The following PAK3 variants were observed in gnomAD, a reference collection of about 807,000 sequenced individuals.
PAK3 encodes the protein p21 (RAC1) activated kinase 3.
PAK3 carries 4 observed loss-of-function variants against 41.0 expected under a neutral mutation model. That is an observed-to-expected ratio of 0.10 (90% CI 0.05 to 0.22). The LOEUF (loss-of-function observed/expected upper bound fraction) is 0.22, where lower values mean the gene tolerates loss of function less well. Among genes scored for constraint, PAK3 ranks in the 10% least tolerant of loss-of-function variants. The pLI is 1.00. For missense variants in PAK3, 205 were observed against 409.9 expected (o/e 0.50, Z 4.32); for synonymous variants, 146 against 139.6 (o/e 1.05, Z -0.32).
intron 6 of PAK3, 140 bp downstream of exon 6, chrX:111,142,336 C>A: frequency 1.9e-6 from 1 of 531,849 alleles, no homozygotes; most frequent in Non-Finnish European, 3.4e-6. Flanking sequence ...ATTGCCTAGG[C>A]AATCATAGAT....
chrX:111,122,941 TA>T, intron 4 of PAK3, 135 bp from the exon 5 acceptor site: 1 of 512,146 alleles, frequency 2.0e-6, no homozygotes, highest in Non-Finnish European at 3.5e-6. Context: ...GAGAAACCCC[TA>T]AAAACGATCC....
intron 11 of PAK3, among the ~76,000 whole-genome samples, chrX:111,181,669 C>T (rs909364110): frequency 6.3e-5 from 7 of 110,308 alleles, no homozygotes; most frequent in South Asian, 3.9e-4. Context: ...ATAACAGTGT[C>T]GTTTAGAGAA....
chrX:111,004,569 C>G (rs890510195), intron 1 of PAK3, among the ~76,000 whole-genome samples: 4 of 112,255 alleles, frequency 3.6e-5, no homozygotes, highest in Non-Finnish European at 7.5e-5. Flanking sequence ...AATATTATAT[C>G]CTATGAAAAC....
rs1055434667 is a variant in PAK3 at position 111,225,901 on chromosome X, G to C, written c.*5454G>C. The C allele has an allele frequency of 2.7e-5, 3 of 111,740 alleles. No homozygotes were observed. The highest frequency in any genetic ancestry group is 9.8e-5 in the African/African-American group (3 of 30,736). 9.2% of individuals were successfully genotyped at this position (111,740 alleles called of 1,213,427 possible). The stretch of plus-strand genomic sequence containing the variant: ...TTTAAAATTCAAGCAAATGGGCCGG[G>C]TGCGGTGGCTCATACCTGTAATCCC... On this transcript the variant is annotated 3_prime_UTR_variant, in exon 18 of 18. Coordinates refer to ENST00000372007, the MANE Select transcript of PAK3 (RefSeq NM_002578.5).
chrX:111,135,118 A>G (rs759861558), intron 5 of PAK3, among the ~76,000 whole-genome samples: 1 of 110,969 alleles, frequency 9.0e-6, no homozygotes, highest in African/African-American at 3.3e-5. Context: ...GGAGTCATAC[A>G]GGTGAGAAAT....
At chrX:111,117,828 A>G (rs1273715634) in intron 4 of PAK3, among the ~76,000 whole-genome samples, 1 of 111,860 alleles carries the variant, frequency 8.9e-6, no homozygotes, top group Non-Finnish European at 1.9e-5. Context: ...GGAACTTATG[A>G]TCTAATGAGG....
At chrX:111,138,915 C>A (rs1006096976) in intron 5 of PAK3, among the ~76,000 whole-genome samples, 1 of 110,630 alleles carries the variant, frequency 9.0e-6, no homozygotes, top group South Asian at 3.9e-4. Flanking sequence ...TTGTAGTAAG[C>A]AGAGATCACG....
At chrX:111,115,769 C>G (rs1477953621) in intron 4 of PAK3, among the ~76,000 whole-genome samples, 1 of 111,468 alleles carries the variant, frequency 9.0e-6, no homozygotes, top group Non-Finnish European at 1.9e-5. Flanking sequence ...CTAAATTGAT[C>G]TAAGTTCCTA....
At chrX:111,172,433 T>C (rs746116953) in intron 10 of PAK3, among the ~76,000 whole-genome samples, 1 of 111,579 alleles carries the variant, frequency 9.0e-6, no homozygotes, top group Non-Finnish European at 1.9e-5. Context: ...GGCTTGGGAC[T>C]CTAATGATGC....
At chrX:111,046,133 T>C (rs1419353029) in intron 1 of PAK3, among the ~76,000 whole-genome samples, 3 of 111,711 alleles carry the variant, frequency 2.7e-5, no homozygotes, top group African/African-American at 9.8e-5. Context: ...GAAAGGCAAG[T>C]AAGGTCATTT....
intron 1 of PAK3, among the ~76,000 whole-genome samples, chrX:110,962,053 A>G (rs2090989535): frequency 8.9e-6 from 1 of 111,807 alleles, no homozygotes; most frequent in Non-Finnish European, 1.9e-5. Flanking sequence ...ACTAGTTCAC[A>G]TTTCTTTCTC....
intron 1 of PAK3, among the ~76,000 whole-genome samples, chrX:111,077,794 C>T (rs1388998213): frequency 9.0e-6 from 1 of 111,427 alleles, no homozygotes; most frequent in Non-Finnish European, 1.9e-5. Context: ...ACAACTAAAG[C>T]GAAATTAGAC....
intron 7 of PAK3, among the ~76,000 whole-genome samples, chrX:111,149,145 G>T (rs1304244109): frequency 4.5e-5 from 5 of 111,537 alleles, no homozygotes; most frequent in Non-Finnish European, 7.5e-5. Context: ...AAATCTTAAA[G>T]CTCCAAAATG....
chrX:111,133,097 A>G (rs988033603), intron 5 of PAK3, among the ~76,000 whole-genome samples: 2 of 111,353 alleles, frequency 1.8e-5, no homozygotes, highest in Non-Finnish European at 3.8e-5. Context: ...GTCTTCTCAC[A>G]CCTTTTTTTG....
chrX:111,143,126 G>C (rs1400839448), intron 6 of PAK3, among the ~76,000 whole-genome samples: 1 of 110,383 alleles, frequency 9.1e-6, no homozygotes, highest in African/African-American at 3.3e-5. Flanking sequence ...GTAATTTTGA[G>C]GGCATTTCAA....
intron 8 of PAK3, among the ~76,000 whole-genome samples, chrX:111,161,674 T>A: frequency 9.0e-6 from 1 of 111,631 alleles, no homozygotes. Context: ...CAGTTTCAGC[T>A]TTCTACATAT....
chrX:111,088,290 A>G (rs1175639471), intron 1 of PAK3, among the ~76,000 whole-genome samples: 1 of 111,801 alleles, frequency 8.9e-6, no homozygotes, highest in Non-Finnish European at 1.9e-5. Context: ...GAGGAAACTG[A>G]GGTTCAGAGG....
intron 1 of PAK3, among the ~76,000 whole-genome samples, chrX:111,056,118 C>A (rs932432037): frequency 2.7e-5 from 3 of 111,845 alleles, no homozygotes; most frequent in Non-Finnish European, 3.8e-5. Context: ...TCCAGCCCCC[C>A]AGGCAAGTCT....
chrX:110,998,806 A>G (rs1388614128), intron 1 of PAK3, among the ~76,000 whole-genome samples: 1 of 112,446 alleles, frequency 8.9e-6, no homozygotes, highest in Non-Finnish European at 1.9e-5. Flanking sequence ...GAATGAAGAA[A>G]TGAATAAATA....
Sources: gnomAD v4.1 joint callset for allele counts (sites outside exome capture counted in the v4.1 genomes callset) on GRCh38, gnomAD v4.1.1 for gene constraint, MANE v1.5 for transcripts, NCBI Gene and HGNC (gene_info 2026-07-23, HGNC 2026-07-21) for gene names.